DLGAP2: variants seen among roughly 807,000 people sequenced by gnomAD.
DLGAP2 encodes the protein disks large-associated protein 2.
A neutral mutation model predicts 100.3 loss-of-function variants in DLGAP2; 26 were observed. The observed-to-expected ratio is 0.26, with a 90% CI of 0.19 to 0.36. The LOEUF is 0.36. Among genes scored for constraint, DLGAP2 ranks in the 10% least tolerant of loss-of-function variants. The pLI, the probability that DLGAP2 is intolerant of heterozygous loss-of-function variation, is 1.00. For synonymous variants in DLGAP2, 886 were observed against 630.1 expected, an observed-to-expected ratio of 1.41 and a Z score of -6.08; for missense variants, 1,858 against 1,453.2, an observed-to-expected ratio of 1.28 and a Z score of -4.53.
chr8:1,477,265 G>C (rs1798961999), intron 3 of DLGAP2, among the ~76,000 whole-genome samples: 1 of 152,210 alleles, frequency 6.6e-6, no homozygotes, highest in Non-Finnish European at 1.5e-5. Flanking sequence ...ACGGCTGGAA[G>C]GTACTGGACC....
At chr8:1,258,672 A>C (rs931751879) in intron 2 of DLGAP2, among the ~76,000 whole-genome samples, 179 bp from the exon 3 acceptor site, 1 of 152,226 alleles carries the variant, frequency 6.6e-6, no homozygotes, top group African/African-American at 2.4e-5. Flanking sequence ...CTTTTGAAGT[A>C]AAAGTTGCTG....
chr8:1,273,376 A>G (rs1799620682), intron 3 of DLGAP2, among the ~76,000 whole-genome samples: 1 of 152,184 alleles, frequency 6.6e-6, no homozygotes, highest in Admixed American at 6.5e-5. Flanking sequence ...GGCACAGCTC[A>G]CATCCCTAAA....
At chr8:1,511,237 A>G (rs1348124588) in intron 4 of DLGAP2, among the ~76,000 whole-genome samples, 2 of 151,536 alleles carry the variant, frequency 1.3e-5, no homozygotes, top group Non-Finnish European at 2.9e-5. Context: ...ATAGATGACC[A>G]TCTTCCATGG....
intron 6 of DLGAP2, among the ~76,000 whole-genome samples, chr8:1,582,489 A>G (rs1266340580): frequency 6.6e-6 from 1 of 152,072 alleles, no homozygotes; most frequent in East Asian, 1.9e-4. Context: ...ATCTTTCATA[A>G]ATCAAAATGA....
intron 3 of DLGAP2, among the ~76,000 whole-genome samples, chr8:1,325,372 C>G (rs11136381): frequency 0.51 from 78,132 of 152,072 alleles, 20,294 homozygotes; most frequent in East Asian, 0.63. Context: ...CAGGGGGCGT[C>G]CTCCCACCTC....
chr8:806,944 G>A (rs893761550), intron 1 of DLGAP2, among the ~76,000 whole-genome samples: 15 of 152,204 alleles, frequency 9.9e-5, no homozygotes, highest in African/African-American at 1.4e-4. Flanking sequence ...GGCTGGGGTC[G>A]TGGACAGTGT....
chr8:976,473 G>A (rs556237407), intron 2 of DLGAP2, among the ~76,000 whole-genome samples: 7 of 152,248 alleles, frequency 4.6e-5, no homozygotes, highest in South Asian at 2.1e-4. Flanking sequence ...TTAGCTGGGC[G>A]TGGTGGCAGG....
intron 2 of DLGAP2, among the ~76,000 whole-genome samples, chr8:984,728 T>C (rs891721955): frequency 6.6e-6 from 1 of 152,226 alleles, no homozygotes; most frequent in African/African-American, 2.4e-5. Flanking sequence ...GCTACCCTTA[T>C]TGCATCTGTT....
chr8:1,537,187 G>A lies in DLGAP2; in HGVS notation c.173-11439G>A, dbSNP rs181899961. ...GTTCTCCTGGAGCTTACGACCTAAT[G>A]GGTGTGCATGCATGCATATGTGTGT... On this transcript the variant is annotated intron_variant, in intron 4 of 14. Transcript: ENST00000637795. 9.9e-4 allele frequency among the ~76,000 whole-genome samples: 151 copies of A among 152,220 alleles called. 1 individual carries two copies. The highest frequency in any genetic ancestry group is 3.4e-3 in the African/African-American group (143 of 41,526).
chr8:908,316 A>T (rs1385502333), intron 2 of DLGAP2, among the ~76,000 whole-genome samples: 1 of 152,228 alleles, frequency 6.6e-6, no homozygotes, highest in Non-Finnish European at 1.5e-5. Context: ...AAAGAAAATC[A>T]CCATTCTTAT....
At chr8:947,461 T>G (rs1477304897) in intron 2 of DLGAP2, among the ~76,000 whole-genome samples, 1 of 152,202 alleles carries the variant, frequency 6.6e-6, no homozygotes, top group Non-Finnish European at 1.5e-5. Context: ...AGCCCTGCCC[T>G]TACACGAAGC....
At chr8:1,638,039 C>G (rs914214097) in intron 8 of DLGAP2, among the ~76,000 whole-genome samples, 2 of 152,130 alleles carry the variant, frequency 1.3e-5, no homozygotes, top group Non-Finnish European at 2.9e-5. Flanking sequence ...GGCACCCGGC[C>G]TGGAGGGAGA....
chr8:1,671,598 C>G (rs182297228), intron 10 of DLGAP2, among the ~76,000 whole-genome samples: 32 of 152,312 alleles, frequency 2.1e-4, no homozygotes, highest in African/African-American at 7.7e-4. Flanking sequence ...CTTTTACTAT[C>G]AGGGTTTGAA....
intron 6 of DLGAP2, among the ~76,000 whole-genome samples, chr8:1,603,468 T>C (rs59426452): frequency 3.3e-5 from 5 of 149,546 alleles, no homozygotes; most frequent in East Asian, 2.0e-4. Context: ...GTCTCAGTTC[T>C]GTAGAGGCTG....
At chr8:1,201,871 G>A (rs1436812742) in intron 2 of DLGAP2, among the ~76,000 whole-genome samples, 1 of 152,160 alleles carries the variant, frequency 6.6e-6, no homozygotes, top group Non-Finnish European at 1.5e-5. Flanking sequence ...TCTATCTGTG[G>A]TGTGTGTGTA....
intron 2 of DLGAP2, among the ~76,000 whole-genome samples, chr8:1,124,800 A>G (rs1395278824): frequency 6.6e-6 from 1 of 152,166 alleles, no homozygotes; most frequent in Non-Finnish European, 1.5e-5. Context: ...CCATCAAATC[A>G]TCTCGTTTTA....
intron 8 of DLGAP2, 67 bp from the exon 9 acceptor site, chr8:1,668,262 G>T (rs1798594602): frequency 1.4e-6 from 2 of 1,394,864 alleles, no homozygotes; most frequent in African/African-American, 2.9e-5. Flanking sequence ...TGGGCGTGGG[G>T]AAACAGTAGA....
rs552708424 is a variant in DLGAP2 at position 1,228,202 on chromosome 8, A to C, written c.74-30649A>C. Among the ~76,000 whole-genome samples, 4 of 152,292 alleles carry C rather than the reference A, an allele frequency of 2.6e-5. No homozygotes were observed. In the East Asian group the frequency reaches 7.7e-4, roughly 29 times the overall value. On this transcript the variant is annotated intron_variant, in intron 2 of 14. Transcript: ENST00000637795. The stretch of plus-strand genomic sequence containing the variant: ...TGTAACAAACCTGCACGTTGTGCAC[A>C]TGTACCCTAGAACTTAAAGTATAAT...
chr8:862,831 T>A (rs149634870), intron 1 of DLGAP2, among the ~76,000 whole-genome samples: 50 of 152,314 alleles, frequency 3.3e-4, no homozygotes, highest in African/African-American at 1.2e-3. Flanking sequence ...ACTGCTGACA[T>A]GGGACTGTGG....
Sources: gnomAD v4.1 joint callset for allele counts (sites outside exome capture counted in the v4.1 genomes callset) on GRCh38, gnomAD v4.1.1 for gene constraint, MANE v1.5 for transcripts, NCBI Gene and HGNC (gene_info 2026-07-23, HGNC 2026-07-21) for gene names.